SORL1: variants seen among roughly 807,000 people sequenced by gnomAD.
SORL1 encodes the protein sortilin-related receptor.
Under a neutral mutation model 273.7 loss-of-function variants are expected in SORL1, and 127 were observed. The ratio of observed to expected loss-of-function variants is 0.46; its 90% CI spans 0.40 to 0.54. The LOEUF is 0.54. Among genes scored for constraint, SORL1 ranks in the 20% least tolerant of loss-of-function variants. SORL1 has a pLI of 0.00. For missense variants in SORL1, 2,494 were observed against 2,846.1 expected, an observed-to-expected ratio of 0.88 and a Z score of 2.81; for synonymous variants, 1,031 against 1,067.4, an observed-to-expected ratio of 0.97 and a Z score of 0.66.
chr11:121,550,331 A>G lies in SORL1; in HGVS notation c.2180+243A>G, dbSNP rs1051342263. ...TTAAGTCATCAACTTCAGCAGGGAAACATCTTCAGAGGAATGTATTCAAGA... is the reference window on the plus strand; with the variant it reads ...TTAAGTCATCAACTTCAGCAGGGAAGCATCTTCAGAGGAATGTATTCAAGA... On this transcript the variant is annotated intron_variant, in intron 15 of 47. Transcript: ENST00000260197. The surrounding 1 kb of genome is among the most constrained non-coding windows in gnomAD (Gnocchi z 5.3). 1.3e-5 allele frequency among the ~76,000 whole-genome samples: 2 copies of G among 152,242 alleles called. No individual in the cohort carries two copies. Among genetic ancestry groups the G allele is most frequent in the Admixed American group, 1.3e-4 (2 of 15,288 alleles).
chr11:121,478,333 C>A, intron 3 of SORL1, 90 bp downstream of exon 3: 2 of 1,414,620 alleles, frequency 1.4e-6, no homozygotes, highest in South Asian at 1.3e-5. Flanking sequence ...GGAGATGGCG[C>A]TCTCTGTGAT....
At chr11:121,625,027 T>C (rs1863774386) in intron 45 of SORL1, 58 bp from the exon 46 acceptor site, 2 of 1,284,050 alleles carry the variant, frequency 1.6e-6, no homozygotes, top group Non-Finnish European at 1.1e-6. Context: ...GAACCAGTAA[T>C]AGAGGCTGTC....
chr11:121,600,061 G>A (rs1863363504), intron 32 of SORL1, among the ~76,000 whole-genome samples: 1 of 152,162 alleles, frequency 6.6e-6, no homozygotes, highest in Admixed American at 6.5e-5. Context: ...ATACTTGCAA[G>A]TAATACAGAG....
At chr11:121,517,743 A>G (rs2134851531) in intron 8 of SORL1, among the ~76,000 whole-genome samples, 1 of 152,338 alleles carries the variant, frequency 6.6e-6, no homozygotes. Context: ...GTCAAGAGTC[A>G]TAGGCCAACG....
rs1205542028 is a variant in SORL1, at chr11:121,615,066, C to G, written c.5604+11C>G. On this transcript the variant is annotated intron_variant, in intron 41 of 47. Transcript: ENST00000260197. ...GGCCCCCGGAATGTGGTGAGTCAGC[C>G]AGAATGACCATCACAAAGTGAGTGT... 6.3e-7 allele frequency: 1 copy of G among 1,582,382 alleles called. No homozygotes were observed. Among genetic ancestry groups the G allele is most frequent in the Non-Finnish European group, 8.6e-7 (1 of 1,164,094 alleles).
Position 121,558,832 on chromosome 11 carries a change from T to C in SORL1, c.2905T>C (p.Phe969Leu), listed in dbSNP as rs1446275509. The change falls in exon 20 of 48, where the codon TTT (phenylalanine) becomes CTT (leucine). Residue 969 changes from phenylalanine to leucine, a missense_variant. By Grantham distance (22) the Phe-to-Leu change is conservative (BLOSUM62 0). Coordinates refer to ENST00000260197, the MANE Select transcript of SORL1 (RefSeq NM_003105.6). ...CCCGCACCCCTATGCCATTGCTGTC[T>C]TTAAGGTGAGTCCATTTGTTGCTGC... is the stretch of plus-strand genomic sequence containing the variant. ...NLPHPYAIAV[F>L]KNEIYWDDWS... is the part of the protein sequence containing the mutation. The C allele has an allele frequency of 2.5e-6, 4 of 1,614,152 alleles. No individual in the cohort carries two copies. Among genetic ancestry groups the C allele is most frequent in the Non-Finnish European group, 3.4e-6 (4 of 1,180,008 alleles).
At chr11:121,490,849 A>G (rs1221403954) in intron 5 of SORL1, among the ~76,000 whole-genome samples, 1 of 152,128 alleles carries the variant, frequency 6.6e-6, no homozygotes, top group Non-Finnish European at 1.5e-5. Context: ...TGAATAATTT[A>G]TGGATATAGT....
In SORL1 at chr11:121,452,530, A is replaced by C. The variant is rs911407554; in HGVS notation, c.199A>C (p.Arg67=). ...GCGGCTGTGGGCGCGCGGGGATGCC[A>C]GGGGGGCGAGCCGCGCGGACGAGAA... is the stretch of plus-strand genomic sequence containing the variant. The part of the protein sequence containing the change: ...ELRLWARGDA[R]GASRADEKPL... The change falls in exon 1 of 48, where the codon AGG becomes CGG. Residue 67 remains arginine, a synonymous_variant. Coordinates refer to ENST00000260197, the MANE Select transcript of SORL1 (RefSeq NM_003105.6). This position sits in a 1 kb window ranked among gnomAD's most constrained non-coding sequence, Gnocchi z 5.3. 3 of 1,483,868 alleles carry C rather than the reference A, an allele frequency of 2.0e-6. No homozygotes were observed. The highest frequency in any genetic ancestry group is 1.8e-6 in the Non-Finnish European group (2 of 1,122,758). The allele number at this position is 1,483,868 out of a possible 1,614,324, so 91.9% of individuals were successfully genotyped here.
In SORL1 at chr11:121,526,173, A is replaced by G. The variant is rs527840668; in HGVS notation, c.1596+3184A>G. ...GTAGATACTCATTTTTTCCATATGGAGATCTAATTGATTTAGCACCATTTA... is the reference window on the plus strand; with the variant it reads ...GTAGATACTCATTTTTTCCATATGGGGATCTAATTGATTTAGCACCATTTA... On this transcript the variant is annotated intron_variant, in intron 11 of 47. Transcript: ENST00000260197. Among the ~76,000 whole-genome samples the G allele has an allele frequency of 2.6e-5, 4 of 152,232 alleles. No homozygotes were observed. In the East Asian group the frequency reaches 7.7e-4, roughly 29 times the overall value.
chr11:121,478,447 G>A (rs542437767), intron 3 of SORL1, among the ~76,000 whole-genome samples: 1 of 152,326 alleles, frequency 6.6e-6, no homozygotes, highest in African/African-American at 2.4e-5. Context: ...GCAGGCCAAG[G>A]ACTGGTCAGG....
chr11:121,460,751 G>A (rs1200901580), intron 1 of SORL1, among the ~76,000 whole-genome samples: 4 of 152,132 alleles, frequency 2.6e-5, no homozygotes, highest in Non-Finnish European at 1.5e-5. Flanking sequence ...GTATGATCTG[G>A]TTGAGCCTGG....
At chr11:121,475,897 T>A (rs1443442453) in intron 2 of SORL1, among the ~76,000 whole-genome samples, 3 of 152,246 alleles carry the variant, frequency 2.0e-5, no homozygotes, top group Non-Finnish European at 4.4e-5. Flanking sequence ...GTTTATTTGC[T>A]CTTTGGTTTA....
At chr11:121,469,248 C>T (rs1040018927) in intron 1 of SORL1, among the ~76,000 whole-genome samples, 5 of 152,182 alleles carry the variant, frequency 3.3e-5, no homozygotes, top group African/African-American at 1.2e-4. Context: ...CCTGCTGGAA[C>T]TCAGTCCCAG....
chr11:121,511,265 G>A (rs1271547817), intron 6 of SORL1, among the ~76,000 whole-genome samples: 1 of 151,834 alleles, frequency 6.6e-6, no homozygotes, highest in East Asian at 1.9e-4. Context: ...TTAATACTCA[G>A]GCCTCCCAGC....
intron 1 of SORL1, among the ~76,000 whole-genome samples, chr11:121,466,890 T>A (rs993789885): frequency 6.6e-6 from 1 of 152,130 alleles, no homozygotes; most frequent in Non-Finnish European, 1.5e-5. Flanking sequence ...CCTACTGGGC[T>A]GCCCCTTTTC....
At chr11:121,543,012 C>T (rs967950711) in intron 12 of SORL1, among the ~76,000 whole-genome samples, 1 of 149,226 alleles carries the variant, frequency 6.7e-6, no homozygotes, top group Non-Finnish European at 1.5e-5. Flanking sequence ...CCCGTCTTTA[C>T]TACAAATACA....
At chr11:121,468,071 C>T (rs1160396272) in intron 1 of SORL1, among the ~76,000 whole-genome samples, 1 of 152,156 alleles carries the variant, frequency 6.6e-6, no homozygotes, top group Non-Finnish European at 1.5e-5. Context: ...TCCCTGATGA[C>T]ATCTGAGAGC....
chr11:121,580,269 C>T (rs536727494), intron 25 of SORL1, among the ~76,000 whole-genome samples: 1 of 152,158 alleles, frequency 6.6e-6, no homozygotes, highest in South Asian at 2.1e-4. Context: ...CTAAGCCATT[C>T]GTTGGACTGC....
Position 121,452,659 on chromosome 11 carries a change from C to G in SORL1, c.285+43C>G, listed in dbSNP as rs1281458176. ...CCGCCTCCCTCCAGTTTTTTCCTCT[C>G]CCTGCACTTCCTCACCCCCGCATCC... is the stretch of plus-strand genomic sequence containing the variant. On this transcript the variant is annotated intron_variant, in intron 1 of 47. Coordinates refer to ENST00000260197, the MANE Select transcript of SORL1 (RefSeq NM_003105.6). The surrounding 1 kb of genome is among the most constrained non-coding windows in gnomAD (Gnocchi z 5.3). 1 of 1,396,398 alleles carries G rather than the reference C, an allele frequency of 7.2e-7. No homozygotes were observed. The allele number at this position is 1,396,398 out of a possible 1,614,324, so 86.5% of individuals were successfully genotyped here.
Sources: allele counts gnomAD v4.1 joint callset (sites outside exome capture counted in the v4.1 genomes callset), GRCh38; gene constraint gnomAD v4.1.1; non-coding constraint Gnocchi (gnomAD v3.1); transcripts MANE v1.5; gene names NCBI Gene and HGNC (gene_info 2026-07-23, HGNC 2026-07-21).